Variants in ZNF407 observed in about 807,000 individuals in gnomAD.
ZNF407 encodes the protein zinc finger protein 407.
ZNF407 carries 17 observed loss-of-function variants against 131.2 expected under a neutral mutation model. That is an observed-to-expected ratio of 0.13 (90% CI 0.09 to 0.19). The LOEUF (loss-of-function observed/expected upper bound fraction) is 0.19, where lower values mean the gene tolerates loss of function less well. Among genes scored for constraint, ZNF407 ranks in the 10% least tolerant of loss-of-function variants. The pLI, the probability that ZNF407 is intolerant of heterozygous loss-of-function variation, is 1.00. For missense variants in ZNF407, 2,681 were observed against 2,830.6 expected, an observed-to-expected ratio of 0.95 and a Z score of 1.20; for synonymous variants, 1,156 against 1,062.0, an observed-to-expected ratio of 1.09 and a Z score of -1.72.
chr18:74,674,289 G>T (rs530654138), intron 3 of ZNF407, among the ~76,000 whole-genome samples: 5 of 152,154 alleles, frequency 3.3e-5, no homozygotes. Flanking sequence ...CCACTTGTTA[G>T]AGATCCAGGA....
intron 7 of ZNF407, among the ~76,000 whole-genome samples, chr18:74,891,678 C>T (rs1022313219): frequency 3.9e-5 from 6 of 152,130 alleles, no homozygotes; most frequent in African/African-American, 1.4e-4. Flanking sequence ...CTATGGTGCT[C>T]ATAATATGGG....
chr18:74,998,072 C>G (rs1029290772), intron 8 of ZNF407, among the ~76,000 whole-genome samples: 6 of 152,148 alleles, frequency 3.9e-5, no homozygotes, highest in African/African-American at 1.4e-4. Context: ...GTGCCAGCTG[C>G]CAGTGGGACC....
chr18:75,041,437 T>TCA (rs1172153910), intron 8 of ZNF407, among the ~76,000 whole-genome samples: 6 of 151,996 alleles, frequency 3.9e-5, no homozygotes, highest in Admixed American at 2.6e-4. Flanking sequence ...TTCTTACCTC[T>TCA]CACACACACA....
intron 3 of ZNF407, among the ~76,000 whole-genome samples, chr18:74,697,866 A>G (rs1292585854): frequency 6.6e-6 from 1 of 152,204 alleles, no homozygotes; most frequent in Non-Finnish European, 1.5e-5. Flanking sequence ...TGAAACATTT[A>G]TTTTGAAGAG....
chr18:74,823,182 G>T (rs1329404084), intron 4 of ZNF407, among the ~76,000 whole-genome samples: 1 of 152,088 alleles, frequency 6.6e-6, no homozygotes, highest in Non-Finnish European at 1.5e-5. Context: ...GTCACCACCA[G>T]GGCTGCCTTA....
intron 8 of ZNF407, among the ~76,000 whole-genome samples, chr18:75,036,942 G>A (rs1394501958): frequency 6.6e-6 from 1 of 152,218 alleles, no homozygotes; most frequent in Non-Finnish European, 1.5e-5. Context: ...AAGGAAGAGG[G>A]AAATTGCTTC....
At chr18:74,919,063 A>G (rs1456234202) in intron 7 of ZNF407, among the ~76,000 whole-genome samples, 1 of 152,194 alleles carries the variant, frequency 6.6e-6, no homozygotes, top group Non-Finnish European at 1.5e-5. Context: ...AGCTTTGACC[A>G]GAGTCTGTAG....
chr18:74,923,580 C>T (rs1386814478), intron 8 of ZNF407, among the ~76,000 whole-genome samples: 2 of 151,980 alleles, frequency 1.3e-5, no homozygotes, highest in South Asian at 2.1e-4. Context: ...TTTAAAATGC[C>T]GGTTCTGTCA....
At chr18:74,937,307 A>G (rs1972049928) in intron 8 of ZNF407, among the ~76,000 whole-genome samples, 1 of 152,222 alleles carries the variant, frequency 6.6e-6, no homozygotes, top group African/African-American at 2.4e-5. Context: ...GCTGTTTTTA[A>G]GAGTATCATT....
At chr18:74,971,961 A>T (rs1257156395) in intron 8 of ZNF407, among the ~76,000 whole-genome samples, 1 of 152,166 alleles carries the variant, frequency 6.6e-6, no homozygotes, top group Non-Finnish European at 1.5e-5. Flanking sequence ...TTCTTATTAC[A>T]TGGTGGCAGC....
At chr18:74,732,360 G>C (rs1457166739) in intron 3 of ZNF407, among the ~76,000 whole-genome samples, 1 of 152,092 alleles carries the variant, frequency 6.6e-6, no homozygotes, top group Admixed American at 6.6e-5. Flanking sequence ...CTTTGGACTT[G>C]GTTCAGAGGT....
chr18:75,011,682 A>C (rs1161920605), intron 8 of ZNF407, among the ~76,000 whole-genome samples: 1 of 152,140 alleles, frequency 6.6e-6, no homozygotes, highest in African/African-American at 2.4e-5. Context: ...TTTTGGTCTC[A>C]GTATTCTTAT....
chr18:75,021,971 C>T (rs574262108), intron 8 of ZNF407, among the ~76,000 whole-genome samples: 1 of 151,844 alleles, frequency 6.6e-6, no homozygotes, highest in Non-Finnish European at 1.5e-5. Flanking sequence ...ATAAAGAGCT[C>T]ATTATCATTA....
intron 8 of ZNF407, among the ~76,000 whole-genome samples, chr18:74,944,765 A>G (rs1003848580): frequency 6.6e-6 from 1 of 152,208 alleles, no homozygotes; most frequent in Non-Finnish European, 1.5e-5. Flanking sequence ...TAAACAAACT[A>G]TATAATTAGC....
intron 8 of ZNF407, among the ~76,000 whole-genome samples, chr18:74,976,881 AT>A (rs1234965179): frequency 6.7e-6 from 1 of 149,538 alleles, no homozygotes; most frequent in Non-Finnish European, 1.5e-5. Flanking sequence ...TAAATCGAGA[AT>A]TTTCCCCTGA....
chr18:74,999,777 G>A (rs1972824092), intron 8 of ZNF407, among the ~76,000 whole-genome samples: 1 of 152,162 alleles, frequency 6.6e-6, no homozygotes, highest in Non-Finnish European at 1.5e-5. Flanking sequence ...CCTGATCAAT[G>A]TAGCCAAGAT....
At chr18:74,628,395 C>G (rs559702251) in intron 1 of ZNF407, among the ~76,000 whole-genome samples, 1 of 152,222 alleles carries the variant, frequency 6.6e-6, no homozygotes, top group South Asian at 2.1e-4. Context: ...AGCTATCATT[C>G]TCCATTCTGC....
chr18:74,811,098 T>C (rs1355461616), intron 4 of ZNF407, among the ~76,000 whole-genome samples: 3 of 151,828 alleles, frequency 2.0e-5, no homozygotes, highest in Admixed American at 1.3e-4. Context: ...ACCTACAAAA[T>C]GGGAGAAAAT....
chr18:74,704,289 G>A (rs1299695982), intron 3 of ZNF407, among the ~76,000 whole-genome samples: 1 of 152,214 alleles, frequency 6.6e-6, no homozygotes, highest in Admixed American at 6.5e-5. Flanking sequence ...AGGACATGGT[G>A]CAGGCTACAT....
Sources: allele counts gnomAD v4.1 joint callset (sites outside exome capture counted in the v4.1 genomes callset), GRCh38; gene constraint gnomAD v4.1.1; transcripts MANE v1.5; gene names NCBI Gene and HGNC (gene_info 2026-07-23, HGNC 2026-07-21).